The following SP3 variants were observed in gnomAD, a reference collection of about 807,000 sequenced individuals.
The protein encoded by SP3 is Sp3 transcription factor.
In SP3, 10 loss-of-function variants were observed where a neutral mutation model predicts 70.3. That is an observed-to-expected ratio of 0.14 (90% confidence interval 0.09 to 0.24). The LOEUF (loss-of-function observed/expected upper bound fraction) is 0.24. Ranked by LOEUF, SP3 falls within the 10% of genes least tolerant of loss-of-function variation. The pLI, the probability that SP3 is intolerant of heterozygous loss-of-function variation, is 1.00. For synonymous variants in SP3, 402 were observed against 333.5 expected, an observed-to-expected ratio of 1.21 and a Z score of -2.24; for missense variants, 825 against 914.6, an observed-to-expected ratio of 0.90 and a Z score of 1.26.
Position 173,908,315 on chromosome 2 carries a change from A to C in SP3, c.*1626T>G, listed in dbSNP as rs1005475576. ...CTAAGGGCTAAGACTTTTTTTCAAA[A>C]ATTTTATTTAATAAGCTCATTCTTA... On this transcript the variant is annotated 3_prime_UTR_variant, in exon 7 of 7. Transcript: ENST00000310015. The C allele has an allele frequency of 6.6e-6, 1 of 152,212 alleles. No individual in the cohort carries two copies. The highest frequency in any genetic ancestry group is 2.4e-5 in the African/African-American group (1 of 41,436). The allele number at this position is 152,212 out of a possible 1,614,324, so 9.4% of individuals were successfully genotyped here.
At chr2:173,934,236 TAA>T (rs572835204) in intron 4 of SP3, among the ~76,000 whole-genome samples, 1 of 136,532 alleles carries the variant, frequency 7.3e-6, no homozygotes. Flanking sequence ...AACTTGTCTC[TAA>T]AAAAAAAAAA....
intron 1 of SP3, chr2:173,964,886 A>C (rs1372834850): frequency 2.0e-6 from 1 of 494,904 alleles, no homozygotes; most frequent in African/African-American, 2.1e-5. Context: ...AGTCACTCAC[A>C]CACGCCCGCC....
chr2:173,961,953 T>G (rs1476047924), intron 3 of SP3, among the ~76,000 whole-genome samples: 2 of 151,368 alleles, frequency 1.3e-5, no homozygotes, highest in African/African-American at 2.4e-5. Flanking sequence ...TTTTTTTTTT[T>G]TTTTTTTAGG....
intron 4 of SP3, among the ~76,000 whole-genome samples, chr2:173,951,430 A>G (rs1690710126): frequency 6.6e-6 from 1 of 152,234 alleles, no homozygotes; most frequent in African/African-American, 2.4e-5. Flanking sequence ...TTACACGTTA[A>G]CATAAATTAA....
chr2:173,935,730 C>G (rs1690190314), intron 4 of SP3, among the ~76,000 whole-genome samples: 2 of 152,194 alleles, frequency 1.3e-5, no homozygotes, highest in African/African-American at 4.8e-5. Context: ...GTCCTAGGCT[C>G]AGCCCTCCAT....
rs1318297333 is a variant in SP3, at chr2:173,965,200, T to C, written c.-29A>G. On this transcript the variant is annotated 5_prime_UTR_variant, in exon 1 of 7. Coordinates refer to ENST00000310015, the MANE Select transcript of SP3 (RefSeq NM_003111.5). ...GTGTTTAGGGCACCTCAGGCGGGGC[T>C]CCCCGCCGCCTTACACATGGTGAGG... is the stretch of plus-strand genomic sequence containing the variant. 1.3e-6 allele frequency: 2 copies of C among 1,541,856 alleles called. No individual in the cohort carries two copies. Among genetic ancestry groups the C allele is most frequent in the Admixed American group, 2.0e-5 (1 of 50,396 alleles).
intron 4 of SP3, among the ~76,000 whole-genome samples, chr2:173,924,793 T>C (rs1311988427): frequency 6.6e-6 from 1 of 152,244 alleles, no homozygotes; most frequent in African/African-American, 2.4e-5. Context: ...TCCCTGTATA[T>C]AAATATATGC....
intron 4 of SP3, among the ~76,000 whole-genome samples, chr2:173,928,154 T>C (rs921675191): frequency 2.6e-5 from 4 of 152,208 alleles, no homozygotes; most frequent in African/African-American, 9.7e-5. Flanking sequence ...TAAAACTGTA[T>C]ATAAACATTA....
rs1690547934 is a variant in SP3 at position 173,946,661 on chromosome 2, G to A, written c.1639+8212C>T. Among the ~76,000 whole-genome samples, 4 of 151,032 alleles carry A rather than the reference G, an allele frequency of 2.6e-5. No individual in the cohort carries two copies. The South Asian group carries it at 6.3e-4, about 24-fold the overall frequency. ...CTGGGCTGCTGGTTATTTTCTCTCA[G>A]CACTCTGAATGTTACTCCACGATCT... On this transcript the variant is annotated intron_variant, in intron 4 of 6. Transcript: ENST00000310015.
At chr2:173,948,680 A>C (rs1347076075) in intron 4 of SP3, among the ~76,000 whole-genome samples, 1 of 152,184 alleles carries the variant, frequency 6.6e-6, no homozygotes, top group East Asian at 1.9e-4. Context: ...TTCTACATTA[A>C]ATATTTCCAT....
chr2:173,930,247 C>G (rs1020119938), intron 4 of SP3, among the ~76,000 whole-genome samples: 1 of 152,154 alleles, frequency 6.6e-6, no homozygotes. Flanking sequence ...TACTCAAAAG[C>G]CTTTTCAGTT....
intron 4 of SP3, among the ~76,000 whole-genome samples, chr2:173,952,269 A>G (rs1410038979): frequency 6.6e-6 from 1 of 152,200 alleles, no homozygotes; most frequent in Non-Finnish European, 1.5e-5. Flanking sequence ...TTTTAAAGAC[A>G]ATTCTTATTT....
At chr2:173,927,573 C>T (rs981601086) in intron 4 of SP3, among the ~76,000 whole-genome samples, 9 of 152,046 alleles carry the variant, frequency 5.9e-5, no homozygotes, top group African/African-American at 1.9e-4. Flanking sequence ...CCACCCCACC[C>T]GACCTATATC....
At chr2:173,931,477 A>G (rs112246214) in intron 4 of SP3, among the ~76,000 whole-genome samples, 7,223 of 152,026 alleles carry the variant, frequency 0.048, 283 homozygotes, top group Admixed American at 0.14. Flanking sequence ...CCGAGTAGCT[A>G]GGACTACAGG....
At chr2:173,936,800 CCTTT>C (rs1047131519) in intron 4 of SP3, among the ~76,000 whole-genome samples, 3 of 144,486 alleles carry the variant, frequency 2.1e-5, no homozygotes, top group Non-Finnish European at 4.7e-5. Context: ...TCTATTCTTA[CCTTT>C]TTTTTTTTTA....
rs1804452 is a variant in SP3, at chr2:173,955,311, G to C, written c.1201C>G (p.Gln401Glu). The change falls in exon 4 of 7, where the codon CAA becomes GAA. Residue 401 changes from glutamine (Q) to glutamate (E), a missense_variant. Gln to Glu is a conservative substitution (Grantham distance 29, BLOSUM62 2). Coordinates refer to ENST00000310015, the MANE Select transcript of SP3 (RefSeq NM_003111.5). ...AQPVVQHLQL[Q>E]ESQQPTSQAQ... ...TGACTGGTTGGCTGCTGAGACTCTTGAAGTTGTAGATGCTGTACAACAGGC... is the reference window on the plus strand; with the variant it reads ...TGACTGGTTGGCTGCTGAGACTCTTCAAGTTGTAGATGCTGTACAACAGGC... The C allele has an allele frequency of 6.2e-7, 1 of 1,613,924 alleles. No individual in the cohort carries two copies. The highest frequency in any genetic ancestry group is 1.3e-5 in the African/African-American group (1 of 74,890).
intron 3 of SP3, among the ~76,000 whole-genome samples, chr2:173,961,720 G>A (rs1691084718): frequency 6.6e-6 from 1 of 152,062 alleles, no homozygotes; most frequent in Admixed American, 6.6e-5. Context: ...AGTCATTTGA[G>A]TAATAAAAGA....
intron 5 of SP3, 179 bp from the exon 6 acceptor site, chr2:173,913,445 TAC>T (rs1011405769): frequency 2.4e-6 from 1 of 419,158 alleles, no homozygotes; most frequent in Non-Finnish European, 4.1e-6. Flanking sequence ...TTCAAGCATA[TAC>T]ATTTTATATA....
chr2:173,908,163 T>TGACA lies in SP3; in HGVS notation c.*1777_*1778insTGTC, dbSNP rs1689381014. On this transcript the variant is annotated 3_prime_UTR_variant, in exon 7 of 7. Transcript: ENST00000310015. ...CTGCCATGGTTACCAACGCTTGTCT[T>TGACA]ATCATTTTCAGGAGTCTTAATGTAA... 3.3e-5 allele frequency: 5 copies of TGACA among 152,144 alleles called. No individual in the cohort carries two copies. Among genetic ancestry groups the TGACA allele is most frequent in the Admixed American group, 3.3e-4 (5 of 15,270 alleles). The allele number at this position is 152,144 out of a possible 1,614,324, so 9.4% of individuals were successfully genotyped here. A position where few individuals can be genotyped will look rare whatever the true frequency, so the allele number is the denominator to read the frequency against.
Sources: allele counts gnomAD v4.1 joint callset (sites outside exome capture counted in the v4.1 genomes callset), GRCh38; gene constraint gnomAD v4.1.1; transcripts MANE v1.5; gene names NCBI Gene and HGNC (gene_info 2026-07-23, HGNC 2026-07-21).